ARHGAP29: variants seen among roughly 807,000 people sequenced by gnomAD.
ARHGAP29 encodes the protein rho GTPase-activating protein 29.
ARHGAP29 carries 43 observed loss-of-function variants against 122.6 expected under a neutral mutation model. The ratio of observed to expected loss-of-function variants is 0.35; its 90% CI spans 0.27 to 0.45. ARHGAP29 has a LOEUF of 0.45. Ranked by LOEUF, ARHGAP29 falls within the 20% of genes least tolerant of loss-of-function variation. ARHGAP29 has a pLI of 1.00. For synonymous variants in ARHGAP29, 506 were observed against 497.1 expected, an observed-to-expected ratio of 1.02 and a Z score of -0.24; for missense variants, 1,303 against 1,477.2, an observed-to-expected ratio of 0.88 and a Z score of 1.93.
chr1:94,206,227 A>G (rs1022441768), intron 5 of ARHGAP29, among the ~76,000 whole-genome samples: 4 of 152,178 alleles, frequency 2.6e-5, no homozygotes, highest in African/African-American at 9.7e-5. Context: ...TGTGACTAGG[A>G]GGTGGAAGTG....
chr1:94,209,528 T>G (rs749460463), intron 3 of ARHGAP29, among the ~76,000 whole-genome samples, 178 bp from the exon 4 acceptor site: 8 of 152,184 alleles, frequency 5.3e-5, no homozygotes, highest in Non-Finnish European at 8.8e-5. Flanking sequence ...GAAATTCATA[T>G]AAAAGAATCA....
At chr1:94,233,919 C>T (rs1443049645) in intron 1 of ARHGAP29, among the ~76,000 whole-genome samples, 1 of 152,010 alleles carries the variant, frequency 6.6e-6, no homozygotes, top group African/African-American at 2.4e-5. Flanking sequence ...TGAAAAACAC[C>T]AACTGTTCAG....
At chr1:94,217,827 C>A (rs780110946) in intron 3 of ARHGAP29, among the ~76,000 whole-genome samples, 65 of 145,852 alleles carry the variant, frequency 4.5e-4, no homozygotes, top group Non-Finnish European at 8.1e-4. Context: ...GCAGCCTGGG[C>A]AACAGAGTGA....
At chr1:94,232,924 GT>G (rs1169619750) in intron 1 of ARHGAP29, among the ~76,000 whole-genome samples, 4 of 148,380 alleles carry the variant, frequency 2.7e-5, no homozygotes, top group African/African-American at 9.9e-5. Context: ...ACAGTAGAAA[GT>G]TTTTTGGTTT....
At chr1:94,305,871 A>G in the ARHGAP29 span, among the ~76,000 whole-genome samples, 5 of 152,234 alleles carry the variant, frequency 3.3e-5, no homozygotes, top group Non-Finnish European at 7.3e-5. Context: ...TTAATCATAC[A>G]TATGATACAT....
At chr1:94,312,434 CT>C in the ARHGAP29 span, among the ~76,000 whole-genome samples, 10,482 of 119,444 alleles carry the variant, frequency 0.088, 1,157 homozygotes, top group African/African-American at 0.27. Flanking sequence ...CCCCCTCCTT[CT>C]TTTTTTTTTT....
At chr1:94,211,794 A>T (rs1312872195) in intron 3 of ARHGAP29, among the ~76,000 whole-genome samples, 1 of 152,136 alleles carries the variant, frequency 6.6e-6, no homozygotes, top group Non-Finnish European at 1.5e-5. Context: ...TAGGGTGCAT[A>T]TGCACAACGT....
At chr1:94,181,725 G>A (rs1042143175) in intron 19 of ARHGAP29, among the ~76,000 whole-genome samples, 1 of 152,026 alleles carries the variant, frequency 6.6e-6, no homozygotes, top group Non-Finnish European at 1.5e-5. Flanking sequence ...TCATGGAGAC[G>A]GAAATCAAAA....
intron 7 of ARHGAP29, among the ~76,000 whole-genome samples, chr1:94,204,630 A>C (rs942175647): frequency 6.6e-6 from 1 of 152,210 alleles, no homozygotes; most frequent in Non-Finnish European, 1.5e-5. Flanking sequence ...CCTACTTCTC[A>C]GAGTTTTTGT....
At chr1:94,232,375 C>T (rs1652973290) in intron 1 of ARHGAP29, among the ~76,000 whole-genome samples, 1 of 152,152 alleles carries the variant, frequency 6.6e-6, no homozygotes, top group East Asian at 1.9e-4. Context: ...GACACACACA[C>T]ACAACACATC....
At chr1:94,266,802 G>A (rs116559413) in intron 1 of ARHGAP29, among the ~76,000 whole-genome samples, 1,791 of 152,182 alleles carry the variant, frequency 0.012, 37 homozygotes, top group African/African-American at 0.041. Context: ...TTGCCTTCAC[G>A]TTCCAGAGAC....
At chr1:94,262,476 G>A (rs750562188) in intron 1 of ARHGAP29, among the ~76,000 whole-genome samples, 17 of 152,114 alleles carry the variant, frequency 1.1e-4, no homozygotes, top group Admixed American at 2.6e-4. Context: ...CCTACAGAAT[G>A]GAAGAAAATG....
chr1:94,244,660 T>G (rs1570597781), intron 1 of ARHGAP29, among the ~76,000 whole-genome samples: 1 of 152,004 alleles, frequency 6.6e-6, no homozygotes, highest in Non-Finnish European at 1.5e-5. Flanking sequence ...AAAAAAATCT[T>G]AAGAAGCCTA....
the ARHGAP29 span, among the ~76,000 whole-genome samples, chr1:94,286,265 A>G: frequency 1.3e-5 from 2 of 152,202 alleles, no homozygotes; most frequent in Non-Finnish European, 2.9e-5. Context: ...TCATTTAACT[A>G]TAATTATGGC....
At chr1:94,303,504 AAC>A in the ARHGAP29 span, among the ~76,000 whole-genome samples, 2 of 152,272 alleles carry the variant, frequency 1.3e-5, no homozygotes, top group South Asian at 4.1e-4. Flanking sequence ...ATGGTTGCAC[AAC>A]AGTGTGAATA....
At chr1:94,252,763 G>A (rs1004980710) in intron 1 of ARHGAP29, among the ~76,000 whole-genome samples, 5 of 151,482 alleles carry the variant, frequency 3.3e-5, no homozygotes, top group African/African-American at 1.2e-4. Flanking sequence ...CTTTAAAGTA[G>A]AGGGGTAAAC....
chr1:94,282,786 C>T, the ARHGAP29 span, among the ~76,000 whole-genome samples: 1 of 152,132 alleles, frequency 6.6e-6, no homozygotes, highest in Non-Finnish European at 1.5e-5. Flanking sequence ...CTGCTTCATA[C>T]TGCAGAAGAA....
chr1:94,202,765 G>C (rs1292004633), intron 10 of ARHGAP29, 33 bp from the exon 11 acceptor site: 12 of 1,596,032 alleles, frequency 7.5e-6, no homozygotes, highest in Non-Finnish European at 1.0e-5. Context: ...CACAGAATAT[G>C]AAAGAAATCC....
intron 15 of ARHGAP29, among the ~76,000 whole-genome samples, chr1:94,187,889 T>C (rs903472010): frequency 1.3e-5 from 2 of 152,138 alleles, no homozygotes; most frequent in African/African-American, 4.8e-5. Flanking sequence ...TGGCAGGTGA[T>C]AATCAGCCTA....
Sources: allele counts gnomAD v4.1 joint callset (sites outside exome capture counted in the v4.1 genomes callset), GRCh38; gene constraint gnomAD v4.1.1; transcripts MANE v1.5; gene names NCBI Gene and HGNC (gene_info 2026-07-23, HGNC 2026-07-21).